AFF3: variants seen among roughly 807,000 people sequenced by gnomAD.
AFF3 encodes the protein AF4/FMR2 family member 3.
AFF3 carries 32 observed loss-of-function variants against 129.7 expected under a neutral mutation model. The observed-to-expected ratio is 0.25, with a 90% CI of 0.19 to 0.33. The LOEUF is 0.33. AFF3 is among the 10% of genes least tolerant of loss of function. The probability of loss-of-function intolerance (pLI) is 1.00; values close to 1 mark genes in which losing one functional copy is unlikely to be tolerated. For missense variants in AFF3, 1,373 were observed against 1,592.0 expected, an observed-to-expected ratio of 0.86 and a Z score of 2.34; for synonymous variants, 644 against 635.4, an observed-to-expected ratio of 1.01 and a Z score of -0.20.
At chr2:99,806,279 C>T (rs1417767379) in intron 8 of AFF3, among the ~76,000 whole-genome samples, 1 of 152,216 alleles carries the variant, frequency 6.6e-6, no homozygotes, top group African/African-American at 2.4e-5. Context: ...CATCAACATT[C>T]ATTGAGCTTC....
At chr2:99,804,612 T>C (rs1455885074) in intron 8 of AFF3, among the ~76,000 whole-genome samples, 8 of 152,196 alleles carry the variant, frequency 5.3e-5, no homozygotes, top group Non-Finnish European at 1.5e-5. Context: ...AATAAGTCAC[T>C]ATGTTAAAAA....
chr2:99,792,618 T>G (rs1380179341), intron 8 of AFF3, among the ~76,000 whole-genome samples: 1 of 152,256 alleles, frequency 6.6e-6, no homozygotes, highest in African/African-American at 2.4e-5. Context: ...AGGCTTTTTG[T>G]GGATACCCTT....
intron 8 of AFF3, among the ~76,000 whole-genome samples, chr2:99,767,033 G>T (rs748186931): frequency 6.6e-6 from 1 of 152,206 alleles, no homozygotes; most frequent in Non-Finnish European, 1.5e-5. Flanking sequence ...GTTTTGAAAA[G>T]AGGTCTAACA....
At chr2:100,141,217 G>A (rs1692857045) in intron 1 of AFF3, among the ~76,000 whole-genome samples, 1 of 152,064 alleles carries the variant, frequency 6.6e-6, no homozygotes, top group African/African-American at 2.4e-5. Flanking sequence ...CTTGAAATCT[G>A]GAAAATAAGC....
At chr2:99,837,879 C>T (rs1032736452) in intron 7 of AFF3, among the ~76,000 whole-genome samples, 8 of 152,118 alleles carry the variant, frequency 5.3e-5, no homozygotes, top group Admixed American at 2.6e-4. Context: ...CTGTGGCCTC[C>T]GCTACAACAG....
At chr2:100,075,984 C>T (rs1050807862) in intron 4 of AFF3, among the ~76,000 whole-genome samples, 1 of 152,118 alleles carries the variant, frequency 6.6e-6, no homozygotes, top group Non-Finnish European at 1.5e-5. Flanking sequence ...TGTCTCTCTG[C>T]CATTCCAGGT....
intron 7 of AFF3, among the ~76,000 whole-genome samples, chr2:99,911,642 T>C (rs1173705157): frequency 6.6e-6 from 1 of 152,134 alleles, no homozygotes; most frequent in Non-Finnish European, 1.5e-5. Flanking sequence ...AATGGTCCTT[T>C]GAAAAATTAA....
At chr2:99,807,700 G>C (rs993166822) in intron 8 of AFF3, among the ~76,000 whole-genome samples, 2 of 152,148 alleles carry the variant, frequency 1.3e-5, no homozygotes, top group African/African-American at 4.8e-5. Flanking sequence ...AAGTCTTGTA[G>C]CAAAACACCC....
intron 16 of AFF3, 48 bp from the exon 17 acceptor site, chr2:99,583,047 G>A (rs1232789577): frequency 1.9e-6 from 3 of 1,576,788 alleles, no homozygotes; most frequent in Non-Finnish European, 2.6e-6. Flanking sequence ...TCAGCACAGG[G>A]AAAGGTAAAT....
chr2:99,732,102 C>T (rs1234245503), intron 10 of AFF3, among the ~76,000 whole-genome samples: 3 of 152,156 alleles, frequency 2.0e-5, no homozygotes, highest in Non-Finnish European at 4.4e-5. Flanking sequence ...CGCCTGTAAT[C>T]CCAGCACTTT....
intron 17 of AFF3, among the ~76,000 whole-genome samples, chr2:99,581,685 C>G (rs1207440584): frequency 6.7e-6 from 1 of 149,580 alleles, no homozygotes; most frequent in African/African-American, 2.5e-5. Context: ...CGCTTGGCCA[C>G]CCAGCTGGTT....
At chr2:99,991,657 C>G (rs2104591079) in intron 7 of AFF3, among the ~76,000 whole-genome samples, 1 of 152,274 alleles carries the variant, frequency 6.6e-6, no homozygotes, top group East Asian at 1.9e-4. Context: ...AATCTCAGCA[C>G]TTTGGGAGGC....
At chr2:99,769,320 A>T (rs1683277734) in intron 8 of AFF3, among the ~76,000 whole-genome samples, 1 of 152,120 alleles carries the variant, frequency 6.6e-6, no homozygotes, top group Non-Finnish European at 1.5e-5. Flanking sequence ...TGCATTTTTC[A>T]ACTCCAGAAT....
At chr2:99,860,332 T>A (rs577761232) in intron 7 of AFF3, among the ~76,000 whole-genome samples, 40 of 152,120 alleles carry the variant, frequency 2.6e-4, no homozygotes, top group African/African-American at 9.2e-4. Flanking sequence ...GGTGGGCAGA[T>A]CACGAGGTCA....
In AFF3 at chr2:100,095,387, A is replaced by G. The variant is rs1690201552; in HGVS notation, c.53+9015T>C. Among the ~76,000 whole-genome samples the G allele has an allele frequency of 2.0e-5, 3 of 152,160 alleles. No individual in the cohort carries two copies. In the South Asian group the frequency reaches 6.2e-4, roughly 31 times the overall value. ...ATATTACAAGAAATGGTTAAACACAATTAGTCAGATCATATAATGGACTAT... is the reference window on the plus strand; with the variant it reads ...ATATTACAAGAAATGGTTAAACACAGTTAGTCAGATCATATAATGGACTAT... On this transcript the variant is annotated intron_variant, in intron 4 of 24. Transcript: ENST00000672756.
chr2:100,062,530 C>T (rs1214524685), intron 4 of AFF3, among the ~76,000 whole-genome samples: 3 of 152,118 alleles, frequency 2.0e-5, no homozygotes, highest in African/African-American at 4.8e-5. Context: ...GGTGATCTCA[C>T]GTGATCTCTG....
chr2:100,129,382 C>CTGTGTG (rs10585567), intron 1 of AFF3, 76 bp from the exon 2 acceptor site: 454 of 145,388 alleles, frequency 3.1e-3, no homozygotes, highest in African/African-American at 0.01. Context: ...TCCTATAACT[C>CTGTGTG]TGTGTGTGTG....
rs1235300001 is a variant in AFF3, at chr2:99,854,292, T to G, written c.874-16768A>C. Among the ~76,000 whole-genome samples, 4 of 151,572 alleles carry G rather than the reference T, an allele frequency of 2.6e-5. No homozygotes were observed. In the South Asian group the frequency reaches 8.3e-4, roughly 31 times the overall value. ...AATAGATGAGCGTTACTGATGTGCATGGCCTCATGCAATGGTCTCAGTGCA... is the reference window on the plus strand; with the variant it reads ...AATAGATGAGCGTTACTGATGTGCAGGGCCTCATGCAATGGTCTCAGTGCA... On this transcript the variant is annotated intron_variant, in intron 7 of 24. Coordinates refer to ENST00000672756, the MANE Select transcript of AFF3 (RefSeq NM_001386135.1).
chr2:100,016,697 G>A (rs1335549371), intron 4 of AFF3, among the ~76,000 whole-genome samples: 5 of 150,908 alleles, frequency 3.3e-5, no homozygotes, highest in African/African-American at 1.2e-4. Context: ...TGGTGGTGGT[G>A]GCGGTAGTGG....
Sources: allele counts gnomAD v4.1 joint callset (sites outside exome capture counted in the v4.1 genomes callset), GRCh38; gene constraint gnomAD v4.1.1; transcripts MANE v1.5; gene names NCBI Gene and HGNC (gene_info 2026-07-23, HGNC 2026-07-21).